PEAK1: variants seen among roughly 807,000 people sequenced by gnomAD.
The protein encoded by PEAK1 is pseudopodium enriched atypical kinase 1.
PEAK1 carries 54 observed loss-of-function variants against 124.7 expected under a neutral mutation model. The observed-to-expected ratio is 0.43, with a 90% confidence interval of 0.35 to 0.54. The LOEUF (loss-of-function observed/expected upper bound fraction) is 0.54, where lower values mean the gene tolerates loss of function less well. Among genes scored for constraint, PEAK1 ranks in the 20% least tolerant of loss-of-function variants. The probability of loss-of-function intolerance (pLI) is 0.01; values close to 1 mark genes in which losing one functional copy is unlikely to be tolerated. For missense variants in PEAK1, 2,046 were observed against 2,134.5 expected (o/e 0.96, Z 0.82); for synonymous variants, 719 against 760.0 (o/e 0.95, Z 0.89).
chr15:77,127,294 A>T (rs2052460832), intron 9 of PEAK1, among the ~76,000 whole-genome samples: 3 of 152,304 alleles, frequency 2.0e-5, no homozygotes, highest in African/African-American at 7.2e-5. Flanking sequence ...AAATAAATTT[A>T]TCCTTTTCAG....
At chr15:77,307,181 C>T (rs2064151924) in intron 2 of PEAK1, among the ~76,000 whole-genome samples, 1 of 152,036 alleles carries the variant, frequency 6.6e-6, no homozygotes, top group African/African-American at 2.4e-5. Flanking sequence ...TGACCAATAG[C>T]CAAGCCAAGT....
intron 1 of PEAK1, among the ~76,000 whole-genome samples, chr15:77,395,534 T>TA (rs2070808763): frequency 1.3e-5 from 2 of 151,604 alleles, no homozygotes; most frequent in South Asian, 2.1e-4. Flanking sequence ...AGGTCAAGGA[T>TA]AAAAAAAGGA....
intron 9 of PEAK1, among the ~76,000 whole-genome samples, chr15:77,125,871 C>G (rs2052331472): frequency 6.6e-6 from 1 of 152,050 alleles, no homozygotes; most frequent in South Asian, 2.1e-4. Context: ...CACAGCAGAT[C>G]ACAATGCAGA....
intron 2 of PEAK1, among the ~76,000 whole-genome samples, chr15:77,314,880 G>A (rs2064776364): frequency 6.6e-6 from 1 of 152,042 alleles, no homozygotes; most frequent in South Asian, 2.1e-4. Flanking sequence ...ACGACCCATG[G>A]GAATAACAGA....
downstream of PEAK1, chr15:77,106,448 C>G (rs113435107): frequency 1.5e-3 from 235 of 152,298 alleles, no homozygotes; most frequent in African/African-American, 5.5e-3. Flanking sequence ...ACTGCAAACT[C>G]CACCTCCTGG....
At position 77,295,062 on chromosome 15, in the gene PEAK1, G is replaced by C. The variant is rs142696886; in HGVS notation, c.-602-8558C>G. Among the ~76,000 whole-genome samples, 3 of 152,062 alleles carry C rather than the reference G, an allele frequency of 2.0e-5. No individual in the cohort carries two copies. In the East Asian group the frequency reaches 5.8e-4, roughly 29 times the overall value. The stretch of plus-strand genomic sequence containing the variant: ...TCCTAAAGTACTTCTAAATTAAATC[G>C]AGTAATAAATAAAACAGTAGAAGCA... On this transcript the variant is annotated intron_variant, in intron 2 of 9. Coordinates refer to ENST00000682557, the MANE Select transcript of PEAK1 (RefSeq NM_001385026.1).
intron 2 of PEAK1, among the ~76,000 whole-genome samples, chr15:77,325,248 C>G (rs1215201307): frequency 6.6e-6 from 1 of 151,898 alleles, no homozygotes; most frequent in African/African-American, 2.4e-5. Context: ...AGCCCTGTCT[C>G]TATAAAAATA....
chr15:77,160,432 C>G (rs956456834), intron 7 of PEAK1, among the ~76,000 whole-genome samples: 5 of 152,210 alleles, frequency 3.3e-5, no homozygotes, highest in Non-Finnish European at 7.3e-5. Flanking sequence ...AATCCCAGCA[C>G]TTTGGGAGGC....
intron 6 of PEAK1, among the ~76,000 whole-genome samples, chr15:77,201,682 G>A (rs749163209): frequency 2.6e-5 from 4 of 152,066 alleles, no homozygotes; most frequent in Non-Finnish European, 5.9e-5. Flanking sequence ...TTCTAGTGTT[G>A]ATATGCTAGA....
At chr15:77,320,804 TC>T (rs2065158911) in intron 2 of PEAK1, among the ~76,000 whole-genome samples, 1 of 151,410 alleles carries the variant, frequency 6.6e-6, no homozygotes, top group African/African-American at 2.4e-5. Context: ...ATGCTATCCC[TC>T]CCCCGTCCCC....
intron 2 of PEAK1, among the ~76,000 whole-genome samples, chr15:77,318,309 T>G (rs1394129518): frequency 6.6e-6 from 1 of 152,178 alleles, no homozygotes; most frequent in Non-Finnish European, 1.5e-5. Flanking sequence ...TGGTGAACAG[T>G]AGACAGGAGA....
At chr15:77,152,156 T>A (rs1433350897) in intron 8 of PEAK1, among the ~76,000 whole-genome samples, 1 of 152,188 alleles carries the variant, frequency 6.6e-6, no homozygotes, top group East Asian at 1.9e-4. Flanking sequence ...TATCCTCTTT[T>A]ATTTCATTGA....
chr15:77,134,238 T>C (rs2053127640), intron 8 of PEAK1, among the ~76,000 whole-genome samples: 1 of 152,248 alleles, frequency 6.6e-6, no homozygotes, highest in African/African-American at 2.4e-5. Flanking sequence ...TATTCTGTTC[T>C]TTTTATTCCA....
At chr15:77,246,048 C>T (rs547043069) in intron 6 of PEAK1, among the ~76,000 whole-genome samples, 37 of 150,482 alleles carry the variant, frequency 2.5e-4, no homozygotes, top group South Asian at 2.1e-3. Context: ...CTCACTCTGT[C>T]GCCAGGCTGG....
At chr15:77,222,440 C>T (rs2059431864) in intron 6 of PEAK1, among the ~76,000 whole-genome samples, 1 of 151,950 alleles carries the variant, frequency 6.6e-6, no homozygotes, top group Non-Finnish European at 1.5e-5. Context: ...CTGCTAATCA[C>T]TAATTATCCC....
chr15:77,200,454 T>C (rs557799732), intron 6 of PEAK1, among the ~76,000 whole-genome samples: 17 of 152,290 alleles, frequency 1.1e-4, no homozygotes, highest in Admixed American at 2.0e-4. Flanking sequence ...CAACTGTACA[T>C]TCTAAAATTC....
intron 1 of PEAK1, chr15:77,371,312 C>A (rs2068624551): frequency 1.1e-6 from 1 of 916,072 alleles, no homozygotes; most frequent in Admixed American, 6.2e-5. Context: ...ATATATTTCA[C>A]TGAAAATATT....
chr15:77,381,441 T>C, intron 1 of PEAK1: 3 of 950,628 alleles, frequency 3.2e-6, no homozygotes, highest in Non-Finnish European at 3.8e-6. Context: ...AAAAATAATT[T>C]TTTCTTTAAA....
At position 77,179,377 on chromosome 15, in the gene PEAK1, T is replaced by C; in HGVS notation, c.2550A>G (p.Pro850=). ...CTAATTTGGAGGGAGAGGGGGTGAC[T>C]GGCTTTATGGATGGGTCTTTCTGTA... ...TKVQKDPSIK[P]VTPSPSKLVT... Residue 850 remains proline (P), a synonymous_variant, in exon 7 of 10, where the codon CCA becomes CCG. Transcript: ENST00000682557. The C allele has an allele frequency of 6.2e-7, 1 of 1,614,038 alleles. No homozygotes were observed. The highest frequency in any genetic ancestry group is 1.1e-5 in the South Asian group (1 of 91,072).
Sources: allele counts gnomAD v4.1 joint callset (sites outside exome capture counted in the v4.1 genomes callset), GRCh38; gene constraint gnomAD v4.1.1; transcripts MANE v1.5; gene names NCBI Gene and HGNC (gene_info 2026-07-23, HGNC 2026-07-21).